B4GALNT3: variants seen among roughly 807,000 people sequenced by gnomAD.
B4GALNT3 encodes beta-1,4-N-acetyl-galactosaminyltransferase 3.
Under a neutral mutation model 120.2 loss-of-function variants are expected in B4GALNT3, and 86 were observed. That is an observed-to-expected ratio of 0.72 (90% CI 0.60 to 0.86). B4GALNT3 has a LOEUF of 0.86. Ranked by LOEUF, B4GALNT3 falls within the 40% of genes least tolerant of loss-of-function variation. The pLI is 0.00. For synonymous variants in B4GALNT3, 518 were observed against 510.4 expected (o/e 1.01, Z -0.20); for missense variants, 1,167 against 1,298.9 (o/e 0.90, Z 1.56).
At chr12:512,432 CCTTCCAT>C (rs1426837659) in intron 1 of B4GALNT3, among the ~76,000 whole-genome samples, 2 of 124,472 alleles carry the variant, frequency 1.6e-5, no homozygotes, top group Admixed American at 8.8e-5. Context: ...CCGCCTTCCG[CCTTCCAT>C]CTTCCTTCCA....
intron 14 of B4GALNT3, among the ~76,000 whole-genome samples, chr12:554,614 C>A (rs1438480612): frequency 6.6e-6 from 1 of 150,622 alleles, no homozygotes; most frequent in Non-Finnish European, 1.5e-5. Context: ...CACGGTGAAA[C>A]CCCGTCTCTA....
chr12:524,147 G>A (rs972145642), intron 1 of B4GALNT3, among the ~76,000 whole-genome samples: 1 of 152,164 alleles, frequency 6.6e-6, no homozygotes, highest in East Asian at 1.9e-4. Flanking sequence ...CCTCCACCCC[G>A]ATATGGTCTA....
At chr12:507,781 C>G (rs1946512348) in intron 1 of B4GALNT3, among the ~76,000 whole-genome samples, 1 of 146,488 alleles carries the variant, frequency 6.8e-6, no homozygotes, top group Admixed American at 6.7e-5. Context: ...CATTCCTGCC[C>G]CTGGAAATCC....
At chr12:542,821 G>A (rs775878180) in intron 3 of B4GALNT3, among the ~76,000 whole-genome samples, 25 of 152,228 alleles carry the variant, frequency 1.6e-4, no homozygotes, top group Non-Finnish European at 3.4e-4. Context: ...GCCTCAGAGA[G>A]CTGTGGGAGA....
intron 1 of B4GALNT3, among the ~76,000 whole-genome samples, chr12:534,563 C>T (rs908412154): frequency 1.3e-5 from 2 of 152,152 alleles, no homozygotes; most frequent in Admixed American, 6.5e-5. Context: ...GTACAGACAG[C>T]GTCAGCCACA....
chr12:490,355 C>G (rs1252022562), intron 1 of B4GALNT3, among the ~76,000 whole-genome samples: 1 of 151,430 alleles, frequency 6.6e-6, no homozygotes, highest in African/African-American at 2.4e-5. Context: ...CTAAGCCATG[C>G]TAACTAAGAA....
intron 1 of B4GALNT3, among the ~76,000 whole-genome samples, chr12:532,276 G>C (rs935965674): frequency 1.3e-5 from 2 of 152,220 alleles, no homozygotes. Context: ...GGCAAGACCT[G>C]ACTGGGTTTA....
chr12:556,543 A>G lies in B4GALNT3; in HGVS notation c.2061-4A>G, dbSNP rs760396994. On this transcript the variant is annotated splice_region_variant and splice_polypyrimidine_tract_variant and intron_variant, in intron 14 of 19. Transcript: ENST00000266383. ...ACTCAGCCTCCCCACACTTTCTGCC[A>G]TAGGAGGTACCAGCTACAGCGCATT... The G allele has an allele frequency of 1.9e-6, 3 of 1,608,940 alleles. No homozygotes were observed. Among genetic ancestry groups the G allele is most frequent in the South Asian group, 2.2e-5 (2 of 90,944 alleles).
intron 1 of B4GALNT3, among the ~76,000 whole-genome samples, chr12:499,738 AT>A (rs1257172017): frequency 6.6e-6 from 1 of 152,244 alleles, no homozygotes; most frequent in East Asian, 1.9e-4. Flanking sequence ...AAACAAAACA[AT>A]ATTTGTTAAG....
chr12:511,982 A>C (rs868273939), intron 1 of B4GALNT3, among the ~76,000 whole-genome samples: 1,470 of 51,316 alleles, frequency 0.029, 1 homozygote, highest in African/African-American at 0.084. Flanking sequence ...CGCCTTCCGC[A>C]TTCCGCCTTC....
At position 460,033 on chromosome 12, in the gene B4GALNT3, CCTT is replaced by C. The variant is rs1490864964; in HGVS notation, c.-341_-339del. 1.4e-4 allele frequency among the ~76,000 whole-genome samples: 21 copies of C among 150,866 alleles called. No homozygotes were observed. The highest frequency in any genetic ancestry group is 1.4e-3 in the Admixed American group (21 of 15,182). ...AGGCGGGCGGGCGCCGGGGAAGCCT[CCTT>C]CTGGGCAGCGAGTGAGGGCGGGCGC... On this transcript the variant is annotated 5_prime_UTR_variant, in exon 1 of 20. Coordinates refer to ENST00000266383, the MANE Select transcript of B4GALNT3 (RefSeq NM_173593.4). This position sits in a 1 kb window ranked among gnomAD's most constrained non-coding sequence, Gnocchi z 8.0.
At position 559,417 on chromosome 12, in the gene B4GALNT3, G is replaced by A; in HGVS notation, c.2884G>A (p.Asp962Asn). 1 of 1,613,826 alleles carries A rather than the reference G, an allele frequency of 6.2e-7. No homozygotes were observed. The highest frequency in any genetic ancestry group is 1.3e-5 in the African/African-American group (1 of 75,028). Residue 962 changes from aspartate (D) to asparagine (N), a missense_variant, in exon 19 of 20, where the codon GAC becomes AAC. By Grantham distance (23) the Asp-to-Asn change is conservative (BLOSUM62 1). Around this residue, in one of 3 missense-constraint regions of B4GALNT3, gnomAD observed 983 missense variants for 1,102.5 expected, o/e 0.89. Coordinates refer to ENST00000266383, the MANE Select transcript of B4GALNT3 (RefSeq NM_173593.4). ...RWGGEDWELLDRILQAGLDVE... is the reference protein window; with the variant it reads ...RWGGEDWELLNRILQAGLDVE... ...GGGCGGGGAAGACTGGGAGCTGCTG[G>A]ACAGGTGACTGGGAAGAGGAGGGCA...
At chr12:488,823 G>T (rs1340927424) in intron 1 of B4GALNT3, among the ~76,000 whole-genome samples, 3 of 147,776 alleles carry the variant, frequency 2.0e-5, no homozygotes, top group African/African-American at 7.5e-5. Context: ...CTGTGAAAAA[G>T]AAAAGAAAGA....
At chr12:471,629 C>T (rs1487140806) in intron 1 of B4GALNT3, among the ~76,000 whole-genome samples, 1 of 151,724 alleles carries the variant, frequency 6.6e-6, no homozygotes, top group Non-Finnish European at 1.5e-5. Flanking sequence ...ATTGCTTGAA[C>T]CTGGGAGGCA....
At chr12:547,000 C>G (rs946610212) in intron 7 of B4GALNT3, among the ~76,000 whole-genome samples, 1 of 152,232 alleles carries the variant, frequency 6.6e-6, no homozygotes, top group African/African-American at 2.4e-5. Context: ...CCTTGCCCTC[C>G]CCCGTTTCTC....
rs185341511 is a variant in B4GALNT3 at position 554,945 on chromosome 12, G to T, written c.2060+962G>T. On this transcript the variant is annotated intron_variant, in intron 14 of 19. Transcript: ENST00000266383. ...CTAATCCCAACACTTTGGGAGACCGGGGTAGGTGGATCACTTGAGGTCAGG... is the reference window on the plus strand; with the variant it reads ...CTAATCCCAACACTTTGGGAGACCGTGGTAGGTGGATCACTTGAGGTCAGG... Among the ~76,000 whole-genome samples, 254 of 152,072 alleles carry T rather than the reference G, an allele frequency of 1.7e-3. 3 individuals are homozygous for T. In the South Asian group the frequency reaches 0.017, roughly 10 times the overall value.
At chr12:498,428 C>T (rs1360896625) in intron 1 of B4GALNT3, among the ~76,000 whole-genome samples, 2 of 152,166 alleles carry the variant, frequency 1.3e-5, no homozygotes, top group Non-Finnish European at 2.9e-5. Flanking sequence ...GAATGATGCC[C>T]TCTGGACCAC....
Position 545,479 on chromosome 12 carries a change from G to A in B4GALNT3, c.639+10G>A. Reference sequence around the variant, plus strand: ...GGCCAGTGTGGGCAAGGTAAGGCCAGCTCAACCCCGGTCCCTCCCATCTGC... The same window carrying A: ...GGCCAGTGTGGGCAAGGTAAGGCCAACTCAACCCCGGTCCCTCCCATCTGC... On this transcript the variant is annotated intron_variant, in intron 6 of 19. Transcript: ENST00000266383. 6.3e-7 allele frequency: 1 copy of A among 1,586,546 alleles called. No homozygotes were observed. The highest frequency in any genetic ancestry group is 8.6e-7 in the Non-Finnish European group (1 of 1,166,370).
At position 557,666 on chromosome 12, in the gene B4GALNT3, G is replaced by C; in HGVS notation, c.2439G>C (p.Gln813His). 1 of 1,610,754 alleles carries C rather than the reference G, an allele frequency of 6.2e-7. No individual in the cohort carries two copies. Among genetic ancestry groups the C allele is most frequent in the Non-Finnish European group, 8.5e-7 (1 of 1,178,966 alleles). The change falls in exon 16 of 20, where the codon CAG becomes CAC. Residue 813 changes from glutamine to histidine, a missense_variant. Around this residue, in one of 3 missense-constraint regions of B4GALNT3, gnomAD observed 983 missense variants for 1,102.5 expected, o/e 0.89. Transcript: ENST00000266383. Reference sequence around the variant, plus strand: ...TCAAAGACATGGAAAACCTGTTCCAGGTCACCGGTGACCCACACTTCAACA... The same window carrying C: ...TCAAAGACATGGAAAACCTGTTCCACGTCACCGGTGACCCACACTTCAACA... ...QFIKDMENLF[Q>H]VTGDPHFNIV...
Sources: allele counts gnomAD v4.1 joint callset (sites outside exome capture counted in the v4.1 genomes callset), GRCh38; gene constraint gnomAD v4.1.1; regional missense constraint gnomAD v4.1.1; non-coding constraint Gnocchi (gnomAD v3.1); transcripts MANE v1.5; gene names NCBI Gene and HGNC (gene_info 2026-07-23, HGNC 2026-07-21).